Variants in C6 observed in about 807,000 individuals in gnomAD.
C6 encodes the protein complement component C6.
A neutral mutation model predicts 112.9 loss-of-function variants in C6; 101 were observed. The ratio of observed to expected loss-of-function variants is 0.89; its 90% CI spans 0.76 to 1.06. C6 has a LOEUF of 1.06. C6 is among the 50% of genes least tolerant of loss of function. The pLI, the probability that C6 is intolerant of heterozygous loss-of-function variation, is 0.00. For missense variants in C6, 1,202 were observed against 1,104.6 expected, an observed-to-expected ratio of 1.09 and a Z score of -1.25; for synonymous variants, 431 against 384.1, an observed-to-expected ratio of 1.12 and a Z score of -1.43.
In C6 at chr5:41,142,486, T is replaced by C. The variant is rs548097850; in HGVS notation, c.*339A>G. On this transcript the variant is annotated 3_prime_UTR_variant, in exon 18 of 18. Coordinates refer to ENST00000337836, the MANE Select transcript of C6 (RefSeq NM_000065.5). ...ACTCATTGAAGAAAATTATGGGTTT[T>C]ATTCTTATTTCTAATTGCGAGAATG... 3.4e-6 allele frequency: 1 copy of C among 292,634 alleles called. No homozygotes were observed. Among genetic ancestry groups the C allele is most frequent in the South Asian group, 4.7e-5 (1 of 21,258 alleles). The allele number at this position is 292,634 out of a possible 1,614,324, so 18.1% of individuals were successfully genotyped here.
At chr5:41,248,612 A>G (rs1462433269) in intron 1 of C6, among the ~76,000 whole-genome samples, 1 of 152,216 alleles carries the variant, frequency 6.6e-6, no homozygotes, top group Non-Finnish European at 1.5e-5. Context: ...GCAAATCAAA[A>G]CCACAATGAG....
intron 2 of C6, 48 bp downstream of exon 2, chr5:41,203,040 C>T (rs1287751361): frequency 6.3e-7 from 1 of 1,589,754 alleles, no homozygotes; most frequent in Admixed American, 1.7e-5. Flanking sequence ...TGACTTCATC[C>T]TTGAGTCCTT....
rs1309939132 is a variant in C6, at chr5:41,176,745, T to G, written c.928-30A>C. ...ATGGAAGAAAGAAGTAAAAAGATGA[T>G]TAAAGGTAATGAAAGTTTGAAGTAC... On this transcript the variant is annotated intron_variant, in intron 7 of 17. Coordinates refer to ENST00000337836, the MANE Select transcript of C6 (RefSeq NM_000065.5). 5.0e-6 allele frequency: 8 copies of G among 1,594,654 alleles called. No homozygotes were observed. The East Asian group carries it at 1.8e-4, about 36-fold the overall frequency.
chr5:41,172,387 C>G, intron 8 of C6, 40 bp from the exon 9 acceptor site: 1 of 1,607,520 alleles, frequency 6.2e-7, no homozygotes, highest in Non-Finnish European at 8.5e-7. Context: ...TGAGAATGCA[C>G]CATTGACAAT....
At chr5:41,185,249 T>C (rs1227527115) in intron 6 of C6, among the ~76,000 whole-genome samples, 1 of 152,188 alleles carries the variant, frequency 6.6e-6, no homozygotes, top group East Asian at 1.9e-4. Flanking sequence ...TGGTTTTAAA[T>C]TGAGTGAATT....
intron 17 of C6, among the ~76,000 whole-genome samples, chr5:41,147,907 C>T (rs1406572179): frequency 6.6e-6 from 1 of 152,106 alleles, no homozygotes; most frequent in African/African-American, 2.4e-5. Flanking sequence ...AAATAGAATG[C>T]TACTCCTTAA....
chr5:41,142,548 A>G lies in C6; in HGVS notation c.*277T>C. 1 of 460,332 alleles carries G rather than the reference A, an allele frequency of 2.2e-6. No individual in the cohort carries two copies. Among genetic ancestry groups the G allele is most frequent in the East Asian group, 3.6e-5 (1 of 27,464 alleles). The allele number at this position is 460,332 out of a possible 1,614,324, so 28.5% of individuals were successfully genotyped here. On this transcript the variant is annotated 3_prime_UTR_variant, in exon 18 of 18. Transcript: ENST00000337836. Reference sequence around the variant, plus strand: ...AGGCTACATAAGGGCCTCAGAAGTCACATTATTTTTGTACAATGTGAACAG... The same window carrying G: ...AGGCTACATAAGGGCCTCAGAAGTCGCATTATTTTTGTACAATGTGAACAG...
At chr5:41,163,140 T>C (rs183674125) in intron 9 of C6, among the ~76,000 whole-genome samples, 2 of 149,444 alleles carry the variant, frequency 1.3e-5, no homozygotes, top group African/African-American at 5.0e-5. Context: ...AGATTGAAGA[T>C]AATGCCAATA....
At chr5:41,236,948 C>A (rs1740355529) in intron 1 of C6, among the ~76,000 whole-genome samples, 1 of 151,562 alleles carries the variant, frequency 6.6e-6, no homozygotes, top group South Asian at 2.1e-4. Flanking sequence ...ACTACAAACA[C>A]CTCTATGCAA....
At chr5:41,236,704 G>A (rs1258971499) in intron 1 of C6, among the ~76,000 whole-genome samples, 1 of 138,498 alleles carries the variant, frequency 7.2e-6, no homozygotes, top group Non-Finnish European at 1.5e-5. Flanking sequence ...AAAGCTAGCA[G>A]AAGGCAAGAA....
chr5:41,156,669 C>G (rs2150252623), intron 13 of C6, among the ~76,000 whole-genome samples: 1 of 152,232 alleles, frequency 6.6e-6, no homozygotes, highest in Admixed American at 6.5e-5. Context: ...AAACTTGTCT[C>G]CTAGAAGATT....
intron 5 of C6, among the ~76,000 whole-genome samples, chr5:41,190,500 A>T (rs1750110694): frequency 6.6e-6 from 1 of 152,124 alleles, no homozygotes; most frequent in Non-Finnish European, 1.5e-5. Context: ...TATCCTGGAT[A>T]TTAACTCCCT....
intron 1 of C6, among the ~76,000 whole-genome samples, chr5:41,219,926 T>G (rs1739065057): frequency 6.6e-6 from 1 of 152,198 alleles, no homozygotes; most frequent in African/African-American, 2.4e-5. Flanking sequence ...AGACAGCAGT[T>G]TCCAATCATC....
chr5:41,174,169 TTGGTC>T (rs1748655025), intron 8 of C6, among the ~76,000 whole-genome samples: 2 of 152,212 alleles, frequency 1.3e-5, no homozygotes, highest in Non-Finnish European at 2.9e-5. Context: ...TTTTATGACA[TTGGTC>T]ATGCAGTGAT....
At position 41,150,004 on chromosome 5, in the gene C6, C is replaced by G. The variant is rs370790517; in HGVS notation, c.2312G>C (p.Gly771Ala). Residue 771 changes from glycine (G) to alanine (A), a missense_variant, in exon 16 of 18, where the codon GGC becomes GCC. Gly to Ala is a moderately conservative substitution (Grantham distance 60). Transcript: ENST00000337836. ...TTGTTTCTGTCCCAGCTGACAATGG[C>G]CTTTTAATTTTGTTAGAGTATCTGA... is the stretch of plus-strand genomic sequence containing the variant. ...CEKDTLTKLK[G>A]HCQLGQKQSG... 6.2e-7 allele frequency: 1 copy of G among 1,612,038 alleles called. No individual in the cohort carries two copies. Among genetic ancestry groups the G allele is most frequent in the African/African-American group, 1.3e-5 (1 of 74,776 alleles).
intron 1 of C6, among the ~76,000 whole-genome samples, chr5:41,234,569 G>A (rs1740132570): frequency 6.6e-6 from 1 of 152,050 alleles, no homozygotes; most frequent in Admixed American, 6.6e-5. Context: ...CTGGACAAAA[G>A]TGGAAATATC....
chr5:41,168,635 C>T (rs896679656), intron 9 of C6, among the ~76,000 whole-genome samples: 9 of 151,840 alleles, frequency 5.9e-5, no homozygotes, highest in African/African-American at 2.2e-4. Flanking sequence ...CTTTAAAGGG[C>T]ACCCTTTTTT....
chr5:41,161,837 C>T lies in C6; in HGVS notation c.1314G>A (p.Glu438=). The change falls in exon 10 of 18, where the codon GAG becomes GAA. Residue 438 remains glutamate (E), a synonymous_variant. Transcript: ENST00000337836. Reference sequence around the variant, plus strand: ...CACCTCGAATCAGGGATATGGATTTCTCTGCTCCCTGTATAAATGAACCTG... The same window carrying T: ...CACCTCGAATCAGGGATATGGATTTTTCTGCTCCCTGTATAAATGAACCTG... ...KHEGSFIQGA[E]KSISLIRGGR... 6.2e-7 allele frequency: 1 copy of T among 1,613,588 alleles called. No individual in the cohort carries two copies. Among genetic ancestry groups the T allele is most frequent in the Non-Finnish European group, 8.5e-7 (1 of 1,179,648 alleles).
chr5:41,207,134 T>A (rs527883498), intron 1 of C6, among the ~76,000 whole-genome samples: 49 of 152,256 alleles, frequency 3.2e-4, no homozygotes, highest in Non-Finnish European at 5.9e-4. Context: ...CTAAGCTTCA[T>A]AAGTGAAGGA....
Sources: allele counts gnomAD v4.1 joint callset (sites outside exome capture counted in the v4.1 genomes callset), GRCh38; gene constraint gnomAD v4.1.1; transcripts MANE v1.5; gene names NCBI Gene and HGNC (gene_info 2026-07-23, HGNC 2026-07-21).